Variants in KDM2B observed in about 807,000 individuals in gnomAD.
KDM2B encodes lysine demethylase 2B.
KDM2B carries 26 observed loss-of-function variants against 150.0 expected under a neutral mutation model. The ratio of observed to expected loss-of-function variants is 0.17; its 90% CI spans 0.13 to 0.24. The LOEUF (loss-of-function observed/expected upper bound fraction) is 0.24. Among genes scored for constraint, KDM2B ranks in the 10% least tolerant of loss-of-function variants. The probability of loss-of-function intolerance (pLI) is 1.00; values close to 1 mark genes in which losing one functional copy is unlikely to be tolerated. For missense variants in KDM2B, 1,265 were observed against 1,816.9 expected (o/e 0.70, Z 5.52); for synonymous variants, 734 against 729.5 (o/e 1.01, Z -0.10).
chr12:121,516,230 G>A (rs781997865), intron 9 of KDM2B: 44 of 282,938 alleles, frequency 1.6e-4, no homozygotes, highest in Middle Eastern at 1.4e-3. Flanking sequence ...GACACCTTCC[G>A]AGCCATTCTG....
At chr12:121,503,929 AAAGGCGGACTGGCTTGCCC>A (rs1390388722) in intron 11 of KDM2B, among the ~76,000 whole-genome samples, 3 of 152,252 alleles carry the variant, frequency 2.0e-5, no homozygotes, top group African/African-American at 7.2e-5. Flanking sequence ...AGGTGAACAG[AAAGGCGGACTGGCTTGCCC>A]AAGGCCACAC....
At chr12:121,556,813 C>G (rs1236346946) in intron 4 of KDM2B, among the ~76,000 whole-genome samples, 2 of 150,708 alleles carry the variant, frequency 1.3e-5, no homozygotes. Flanking sequence ...GATGGTGCCA[C>G]TGCACTCCAA....
chr12:121,575,606 T>C lies in KDM2B; in HGVS notation c.350+175A>G, dbSNP rs1891447414. On this transcript the variant is annotated intron_variant, in intron 3 of 22. Coordinates refer to ENST00000377071, the MANE Select transcript of KDM2B (RefSeq NM_032590.5). The surrounding 1 kb of genome is among the most constrained non-coding windows in gnomAD (Gnocchi z 4.4). ...AAAGTCCCTGCAAAAGACCAGTCTT[T>C]GGAGAGTGTTTCCCCTTTGTCAGGC... Among the ~76,000 whole-genome samples, 1 of 152,210 alleles carries C rather than the reference T, an allele frequency of 6.6e-6. No individual in the cohort carries two copies. Among genetic ancestry groups the C allele is most frequent in the Non-Finnish European group, 1.5e-5 (1 of 68,036 alleles).
At chr12:121,507,474 G>A (rs910511202) in intron 11 of KDM2B, among the ~76,000 whole-genome samples, 5 of 152,194 alleles carry the variant, frequency 3.3e-5, no homozygotes, top group African/African-American at 4.8e-5. Context: ...ATATTATCAC[G>A]AGCTGCCCGT....
chr12:121,419,986 G>C, the KDM2B span: 1 of 369,978 alleles, frequency 2.7e-6, no homozygotes, highest in Admixed American at 3.7e-5. Context: ...CTTCCTGAGA[G>C]AGTTAATACT....
chr12:121,443,662 C>T lies in KDM2B; in HGVS notation c.2565+18G>A, dbSNP rs782475614. Reference sequence around the variant, plus strand: ...GCCAGTCCCCGGGGCCTCAGGAGGGCGTGCGTCGTGGGAGCACCTGCTGCT... The same window carrying T: ...GCCAGTCCCCGGGGCCTCAGGAGGGTGTGCGTCGTGGGAGCACCTGCTGCT... On this transcript the variant is annotated intron_variant, in intron 17 of 22. Coordinates refer to ENST00000377071, the MANE Select transcript of KDM2B (RefSeq NM_032590.5). 3.1e-5 allele frequency: 47 copies of T among 1,511,228 alleles called. 1 individual carries two copies. In the East Asian group the frequency reaches 3.4e-4, roughly 11 times the overall value. The allele number at this position is 1,511,228 out of a possible 1,614,324, so 93.6% of individuals were successfully genotyped here. A position where few individuals can be genotyped will look rare whatever the true frequency, so the allele number is the denominator to read the frequency against.
chr12:121,431,909 GT>G (rs1873115761), intron 22 of KDM2B, among the ~76,000 whole-genome samples: 2 of 140,840 alleles, frequency 1.4e-5, no homozygotes, highest in Admixed American at 1.5e-4. Context: ...AGATGATGGA[GT>G]TTTGCTCTTG....
chr12:121,490,597 C>T (rs1398625984), intron 12 of KDM2B, among the ~76,000 whole-genome samples: 2 of 152,216 alleles, frequency 1.3e-5, no homozygotes, highest in African/African-American at 4.8e-5. Context: ...CTCAAATAAG[C>T]TCCGTTCCTT....
chr12:121,494,504 T>G (rs1364335959), intron 12 of KDM2B, 75 bp downstream of exon 12: 2 of 1,116,158 alleles, frequency 1.8e-6, no homozygotes, highest in Admixed American at 4.0e-5. Context: ...ACCCAAAAAG[T>G]CGCGGCTGTT....
At position 121,444,451 on chromosome 12, in the gene KDM2B, T is replaced by C; in HGVS notation, c.2189A>G (p.Lys730Arg). ...PKCNHAGKTG[K>R]QKRGPGFKYA... The stretch of plus-strand genomic sequence containing the variant: ...TGGGACTTGGAGCCCGGCACTCACT[T>C]TCCCGGTCTTGCCGGCGTGGTTACA... Residue 730 changes from lysine to arginine, a missense_variant and splice_region_variant, in exon 15 of 23, where the codon AAA (lysine) becomes AGA (arginine). Lys to Arg is a conservative substitution (Grantham distance 26). Coordinates refer to ENST00000377071, the MANE Select transcript of KDM2B (RefSeq NM_032590.5). 6.2e-7 allele frequency: 1 copy of C among 1,614,132 alleles called. No individual in the cohort carries two copies. The highest frequency in any genetic ancestry group is 8.5e-7 in the Non-Finnish European group (1 of 1,179,996).
At chr12:121,577,558 G>A (rs1478795307) in intron 2 of KDM2B, among the ~76,000 whole-genome samples, 1 of 152,048 alleles carries the variant, frequency 6.6e-6, no homozygotes, top group Non-Finnish European at 1.5e-5. Context: ...AAGAGAAATC[G>A]CAAAACTGCA....
chr12:121,443,065 C>T (rs1875447378), intron 17 of KDM2B, 35 bp from the exon 18 acceptor site: 1 of 1,590,826 alleles, frequency 6.3e-7, no homozygotes, highest in Non-Finnish European at 8.5e-7. Context: ...GAGCTTGCTC[C>T]CCGGGCTCGT....
intron 8 of KDM2B, among the ~76,000 whole-genome samples, chr12:121,528,590 TA>T (rs1887362011): frequency 6.6e-6 from 1 of 151,166 alleles, no homozygotes; most frequent in African/African-American, 2.4e-5. Flanking sequence ...AATAAATAAA[TA>T]AATAAATAAA....
intron 6 of KDM2B, among the ~76,000 whole-genome samples, chr12:121,541,442 GGAGGGAGGGAGA>G (rs1223586469): frequency 1.4e-5 from 2 of 148,146 alleles, no homozygotes; most frequent in Non-Finnish European, 3.0e-5. Flanking sequence ...AAGGAGGGAG[GGAGGGAGGGAGA>G]GAGGGAGGGA....
intron 12 of KDM2B, among the ~76,000 whole-genome samples, chr12:121,471,959 T>A (rs1361484718): frequency 6.6e-6 from 1 of 152,210 alleles, no homozygotes; most frequent in African/African-American, 2.4e-5. Flanking sequence ...CCGTCTCTAT[T>A]AAAAATACAA....
intron 12 of KDM2B, among the ~76,000 whole-genome samples, chr12:121,484,254 G>A (rs1272039646): frequency 2.6e-5 from 4 of 152,138 alleles, no homozygotes; most frequent in Admixed American, 6.6e-5. Context: ...CAACTGGAAC[G>A]CGTCAGCTCA....
Position 121,520,925 on chromosome 12 carries a change from G to A in KDM2B, c.1047+60C>T, listed in dbSNP as rs752690175. Reference sequence around the variant, plus strand: ...TTCAGTATGACCTGTCCCACACACCGAGCACCGGCAGAGCTCAGGGGCCAG... The same window carrying A: ...TTCAGTATGACCTGTCCCACACACCAAGCACCGGCAGAGCTCAGGGGCCAG... On this transcript the variant is annotated intron_variant, in intron 9 of 22. Coordinates refer to ENST00000377071, the MANE Select transcript of KDM2B (RefSeq NM_032590.5). The surrounding 1 kb of genome is among the most constrained non-coding windows in gnomAD (Gnocchi z 4.5). The A allele has an allele frequency of 4.1e-6, 5 of 1,222,260 alleles. No individual in the cohort carries two copies. Among genetic ancestry groups the A allele is most frequent in the Admixed American group, 1.8e-5 (1 of 56,104 alleles). The allele number at this position is 1,222,260 out of a possible 1,614,324, so 75.7% of individuals were successfully genotyped here.
At chr12:121,416,003 C>A in the KDM2B span, among the ~76,000 whole-genome samples, 1 of 152,012 alleles carries the variant, frequency 6.6e-6, no homozygotes, top group African/African-American at 2.4e-5. Context: ...GCAGAAAATT[C>A]TTTCCAAATG....
chr12:121,515,496 C>T (rs1175837550), intron 9 of KDM2B, among the ~76,000 whole-genome samples: 1 of 78,722 alleles, frequency 1.3e-5, no homozygotes, highest in Non-Finnish European at 2.5e-5. Flanking sequence ...CACACTCTGC[C>T]ACCCCCTAAT....
Sources: gnomAD v4.1 joint callset for allele counts (sites outside exome capture counted in the v4.1 genomes callset) on GRCh38, gnomAD v4.1.1 for gene constraint, Gnocchi (gnomAD v3.1) non-coding constraint, MANE v1.5 for transcripts, NCBI Gene and HGNC (gene_info 2026-07-23, HGNC 2026-07-21) for gene names.